TMEFF2: variants seen among roughly 807,000 people sequenced by gnomAD.
The protein encoded by TMEFF2 is transmembrane protein with EGF like and two follistatin like domains 2.
A neutral mutation model predicts 53.8 loss-of-function variants in TMEFF2; 28 were observed. The ratio of observed to expected loss-of-function variants is 0.52; its 90% CI spans 0.39 to 0.71. The LOEUF is 0.71. Among genes scored for constraint, TMEFF2 ranks in the 30% least tolerant of loss-of-function variants. TMEFF2 has a pLI of 0.00. For synonymous variants in TMEFF2, 162 were observed against 166.3 expected, an observed-to-expected ratio of 0.97 and a Z score of 0.20; for missense variants, 353 against 455.2, an observed-to-expected ratio of 0.78 and a Z score of 2.04.
chr2:192,194,271 G>A lies in TMEFF2; in HGVS notation c.172+82C>T. 2 of 1,533,746 alleles carry A rather than the reference G, an allele frequency of 1.3e-6. No homozygotes were observed. The highest frequency in any genetic ancestry group is 2.4e-5 in the South Asian group (2 of 82,450). On this transcript the variant is annotated intron_variant, in intron 1 of 9. Coordinates refer to ENST00000272771, the MANE Select transcript of TMEFF2 (RefSeq NM_016192.4). This position sits in a 1 kb window ranked among gnomAD's most constrained non-coding sequence, Gnocchi z 4.2. ...GTAGGAGGTGAGGGGCTGAGGAGGC[G>A]CGCTAGGGTAGGCTGGTCTGTGCTG...
chr2:192,047,495 G>A (rs1687652523), intron 5 of TMEFF2, among the ~76,000 whole-genome samples: 1 of 152,100 alleles, frequency 6.6e-6, no homozygotes, highest in African/African-American at 2.4e-5. Context: ...GACTTTGAAA[G>A]GCTGCAATAA....
intron 5 of TMEFF2, among the ~76,000 whole-genome samples, chr2:192,001,697 A>G: frequency 6.6e-6 from 1 of 152,202 alleles, no homozygotes; most frequent in South Asian, 2.1e-4. Flanking sequence ...ATGAGATCTG[A>G]TGGTTTTATA....
intron 2 of TMEFF2, among the ~76,000 whole-genome samples, chr2:192,188,013 T>A (rs1035905120): frequency 1.3e-5 from 2 of 152,176 alleles, no homozygotes; most frequent in Admixed American, 1.3e-4. Flanking sequence ...TCAACAGATG[T>A]TAAGTCAATT....
At chr2:192,038,923 T>A (rs958743710) in intron 5 of TMEFF2, among the ~76,000 whole-genome samples, 2 of 152,148 alleles carry the variant, frequency 1.3e-5, no homozygotes, top group African/African-American at 4.8e-5. Context: ...TTCTAGCCAA[T>A]GTTATAGGCA....
chr2:192,016,830 T>C (rs1043419336), intron 5 of TMEFF2, among the ~76,000 whole-genome samples: 1 of 152,234 alleles, frequency 6.6e-6, no homozygotes, highest in African/African-American at 2.4e-5. Flanking sequence ...TTTTCATTCA[T>C]TTAGTCATTT....
In TMEFF2 at chr2:192,032,659, A is replaced by G. The variant is rs1321221094; in HGVS notation, c.536+25020T>C. ...ACACGGTATGATTATTTGAGAGGCAATTTAATGAGGTAGTGAGAAGCCTGG... is the reference window on the plus strand; with the variant it reads ...ACACGGTATGATTATTTGAGAGGCAGTTTAATGAGGTAGTGAGAAGCCTGG... On this transcript the variant is annotated intron_variant, in intron 5 of 9. Transcript: ENST00000272771. 11 of 152,156 alleles carry G rather than the reference A, an allele frequency of 7.2e-5. 1 individual carries two copies. Among genetic ancestry groups the G allele is most frequent in the Admixed American group, 6.5e-4 (10 of 15,278 alleles). 9.4% of individuals were successfully genotyped at this position (152,156 alleles called of 1,614,324 possible). A position where few individuals can be genotyped will look rare whatever the true frequency, so the allele number is the denominator to read the frequency against.
Position 192,057,754 on chromosome 2 carries a change from G to C in TMEFF2, c.461C>G (p.Thr154Ser), listed in dbSNP as rs1440624415. 6.2e-7 allele frequency: 1 copy of C among 1,613,888 alleles called. No homozygotes were observed. Among genetic ancestry groups the C allele is most frequent in the Non-Finnish European group, 8.5e-7 (1 of 1,179,838 alleles). Residue 154 changes from threonine to serine, a missense_variant, in exon 5 of 10, where the codon ACT becomes AGT. By Grantham distance (58) the Thr-to-Ser change is moderately conservative. This residue lies in a region of TMEFF2 where 294 missense variants were observed against 397.3 expected (regional missense o/e 0.74). Transcript: ENST00000272771. ...GDGVHEGSGE[T>S]SQKETSTCDI... The stretch of plus-strand genomic sequence containing the variant: ...ACAGGTGGATGTCTCCTTTTGACTA[G>C]TTTCTCCAGAGCCTTCATGGACTGT...
chr2:192,037,333 G>GAA (rs869191248), intron 5 of TMEFF2, among the ~76,000 whole-genome samples: 2 of 146,818 alleles, frequency 1.4e-5, no homozygotes, highest in African/African-American at 5.2e-5. Context: ...AAGAAAGAAA[G>GAA]AAAAACAGAA....
At chr2:192,045,739 C>A (rs1437312025) in intron 5 of TMEFF2, among the ~76,000 whole-genome samples, 1 of 152,194 alleles carries the variant, frequency 6.6e-6, no homozygotes, top group African/African-American at 2.4e-5. Context: ...CACCGAGTCC[C>A]TAATATGGCA....
At chr2:192,070,791 T>A (rs1320637937) in intron 4 of TMEFF2, among the ~76,000 whole-genome samples, 2 of 151,928 alleles carry the variant, frequency 1.3e-5, no homozygotes, top group East Asian at 3.9e-4. Flanking sequence ...AAACCGAAGT[T>A]GAGGAGTCTG....
intron 4 of TMEFF2, among the ~76,000 whole-genome samples, chr2:192,082,085 C>T (rs1386114887): frequency 6.6e-6 from 1 of 152,166 alleles, no homozygotes; most frequent in African/African-American, 2.4e-5. Flanking sequence ...CAGGCGTGAG[C>T]CACCGTGCCC....
intron 4 of TMEFF2, among the ~76,000 whole-genome samples, chr2:192,113,982 T>G (rs1559132192): frequency 1.3e-5 from 2 of 152,020 alleles, no homozygotes; most frequent in African/African-American, 4.8e-5. Flanking sequence ...TATGCTTTAA[T>G]AACATTGACA....
chr2:191,953,983 G>A (rs1410893252), intron 8 of TMEFF2, 146 bp from the exon 9 acceptor site: 1 of 632,068 alleles, frequency 1.6e-6, no homozygotes, highest in African/African-American at 2.0e-5. Flanking sequence ...CCGCCTCCGG[G>A]TTCACGCCAT....
At chr2:192,139,685 TGGAACTTCTAGTAA>T (rs987546744) in intron 4 of TMEFF2, among the ~76,000 whole-genome samples, 5 of 152,200 alleles carry the variant, frequency 3.3e-5, no homozygotes, top group Non-Finnish European at 2.9e-5. Flanking sequence ...ACTAGTAGTT[TGGAACTTCTAGTAA>T]GTGGTGAGCA....
intron 4 of TMEFF2, among the ~76,000 whole-genome samples, chr2:192,062,968 GTTTT>G (rs58620145): frequency 6.6e-6 from 1 of 151,012 alleles, no homozygotes; most frequent in Non-Finnish European, 1.5e-5. Flanking sequence ...GTCCGGGAGT[GTTTT>G]TTTTTTTTGT....
chr2:192,067,490 G>A (rs1380651562), intron 4 of TMEFF2, among the ~76,000 whole-genome samples: 1 of 151,874 alleles, frequency 6.6e-6, no homozygotes, highest in South Asian at 2.1e-4. Context: ...GGAAAAAGAT[G>A]TGAAATACTG....
intron 1 of TMEFF2, among the ~76,000 whole-genome samples, chr2:192,193,078 T>C (rs1691502537): frequency 6.6e-6 from 1 of 152,248 alleles, no homozygotes. Context: ...CAGTAATAAC[T>C]AGGAACTATA....
At chr2:192,179,440 A>G (rs899351439) in intron 4 of TMEFF2, 4 of 407,358 alleles carry the variant, frequency 9.8e-6, no homozygotes, top group African/African-American at 8.3e-5. Flanking sequence ...AAACAAACAA[A>G]TGAACAAGGA....
At chr2:192,147,501 C>A (rs1040097384) in intron 4 of TMEFF2, among the ~76,000 whole-genome samples, 1 of 151,730 alleles carries the variant, frequency 6.6e-6, no homozygotes, top group Non-Finnish European at 1.5e-5. Context: ...CCACAACAGG[C>A]CCCGGTGTGT....
Sources: allele counts gnomAD v4.1 joint callset (sites outside exome capture counted in the v4.1 genomes callset), GRCh38; gene constraint gnomAD v4.1.1; regional missense constraint gnomAD v4.1.1; non-coding constraint Gnocchi (gnomAD v3.1); transcripts MANE v1.5; gene names NCBI Gene and HGNC (gene_info 2026-07-23, HGNC 2026-07-21).